The following ZNF621 variants were observed in gnomAD, a reference collection of about 807,000 sequenced individuals.
The protein encoded by ZNF621 is zinc finger protein 621.
Under a neutral mutation model 12.7 loss-of-function variants are expected in ZNF621, and 6 were observed. That is an observed-to-expected ratio of 0.47 (90% confidence interval 0.26 to 0.93). The LOEUF is 0.93. Ranked by LOEUF, ZNF621 falls within the 40% of genes least tolerant of loss-of-function variation. The pLI is 0.15. For missense variants in ZNF621, 474 were observed against 524.0 expected, an observed-to-expected ratio of 0.90 and a Z score of 0.93; for synonymous variants, 156 against 190.3, an observed-to-expected ratio of 0.82 and a Z score of 1.48.
chr3:40,525,920 A>G, intron 2 of ZNF621, 56 bp downstream of exon 2: 5 of 1,598,446 alleles, frequency 3.1e-6, no homozygotes, highest in Non-Finnish European at 4.3e-6. Context: ...TTTTACTCAC[A>G]TTAGCTATCA....
At position 40,525,997 on chromosome 3, in the gene ZNF621, C is replaced by A. The variant is rs59574858; in HGVS notation, c.24+133C>A. 0.023 allele frequency: 22,016 copies of A among 972,396 alleles called. 1,858 individuals are homozygous for A. The African/African-American group carries it at 0.24, about 11-fold the overall frequency. 60.2% of individuals were successfully genotyped at this position (972,396 alleles called of 1,614,324 possible). A position where few individuals can be genotyped will look rare whatever the true frequency, so the allele number is the denominator to read the frequency against. ...TGTGTTTTCCCCTTTGTATCTATCT[C>A]CAGGGCTATGGCAGATGTAAATATG... On this transcript the variant is annotated intron_variant, in intron 2 of 4. Coordinates refer to ENST00000339296, the MANE Select transcript of ZNF621 (RefSeq NM_198484.5).
Position 40,535,023 on chromosome 3 carries a change from TTCTC to T in ZNF621, c.*1937_*1940del, listed in dbSNP as rs1207186857. 2.6e-5 allele frequency: 4 copies of T among 152,370 alleles called. No homozygotes were observed. The highest frequency in any genetic ancestry group is 9.6e-5 in the African/African-American group (4 of 41,580). 9.4% of individuals were successfully genotyped at this position (152,370 alleles called of 1,614,324 possible). On this transcript the variant is annotated 3_prime_UTR_variant, in exon 5 of 5. Transcript: ENST00000339296. ...CTTTCCTAGGCCACTACTTTATACT[TTCTC>T]TCTTCTGTAACTTCCAAAGCATCCC...
At position 40,533,069 on chromosome 3, in the gene ZNF621, C is replaced by T; in HGVS notation, c.1299C>T (p.Thr433=). Residue 433 remains threonine (T), a synonymous_variant, in exon 5 of 5, where the codon ACC becomes ACT. Transcript: ENST00000339296. ...TGAAACCTTCCCCAGTTATTCTCAC[C>T]CCTTCTTCTCACTCCTCATGAGCTT... is the stretch of plus-strand genomic sequence containing the variant. The part of the protein sequence containing the change: ...PTVKPSPVIL[T]PSSHSS 2.6e-6 allele frequency: 4 copies of T among 1,551,546 alleles called. No individual in the cohort carries two copies. Among genetic ancestry groups the T allele is most frequent in the Non-Finnish European group, 3.5e-6 (4 of 1,146,902 alleles).
In ZNF621 at chr3:40,529,465, C is replaced by A. The variant is rs968799728; in HGVS notation, c.151+20C>A. On this transcript the variant is annotated intron_variant, in intron 3 of 4. Coordinates refer to ENST00000339296, the MANE Select transcript of ZNF621 (RefSeq NM_198484.5). Reference sequence around the variant, plus strand: ...CTCTGGGTAAGGCCTCCCTCTGTGGCCCTTTGTAACAGTTTGCTATCTTCC... The same window carrying A: ...CTCTGGGTAAGGCCTCCCTCTGTGGACCTTTGTAACAGTTTGCTATCTTCC... 2.5e-6 allele frequency: 4 copies of A among 1,611,548 alleles called. No individual in the cohort carries two copies. Among genetic ancestry groups the A allele is most frequent in the Non-Finnish European group, 3.4e-6 (4 of 1,178,376 alleles).
chr3:40,530,407 TC>T, intron 4 of ZNF621, 91 bp downstream of exon 4: 1 of 1,031,596 alleles, frequency 9.7e-7, no homozygotes, highest in Non-Finnish European at 1.5e-6. Context: ...GGTACAAATC[TC>T]CCAGTTATTT....
upstream of ZNF621, among the ~76,000 whole-genome samples, chr3:40,524,139 G>A (rs1429088107): frequency 6.6e-6 from 1 of 152,136 alleles, no homozygotes; most frequent in Non-Finnish European, 1.5e-5. Context: ...CCTCTTCACT[G>A]TTTTTTCTTC....
chr3:40,530,584 T>G (rs1698700523), intron 4 of ZNF621, among the ~76,000 whole-genome samples: 1 of 152,226 alleles, frequency 6.6e-6, no homozygotes, highest in South Asian at 2.1e-4. Flanking sequence ...ACTTCTTTCT[T>G]ACTTACTGGT....
upstream of ZNF621, among the ~76,000 whole-genome samples, chr3:40,523,312 G>C (rs1000699355): frequency 6.6e-6 from 1 of 152,024 alleles, no homozygotes; most frequent in African/African-American, 2.4e-5. Flanking sequence ...CCAAGAAGTG[G>C]GACCCCTGTA....
rs138384197 is a variant in ZNF621, at chr3:40,539,127, C to T, written c.*6037C>T. The T allele has an allele frequency of 4.4e-5, 7 of 160,628 alleles. No homozygotes were observed. Among genetic ancestry groups the T allele is most frequent in the South Asian group, 2.0e-4 (1 of 5,104 alleles). 10.0% of individuals were successfully genotyped at this position (160,628 alleles called of 1,614,324 possible). On this transcript the variant is annotated 3_prime_UTR_variant, in exon 5 of 5. Transcript: ENST00000339296. ...CAAAGGACTTAGAATATTACATAAA[C>T]TTAGTTGATAAAACAGCAGCAGAGT...
At position 40,525,830 on chromosome 3, in the gene ZNF621, G is replaced by C. The variant is rs1174662811; in HGVS notation, c.-11G>C. 6.2e-7 allele frequency: 1 copy of C among 1,614,020 alleles called. No homozygotes were observed. The highest frequency in any genetic ancestry group is 2.2e-5 in the East Asian group (1 of 44,882). ...CCAGAAGACAGTGCATGAAGCCAGG[G>C]GACATCCGCCATGCTCCAAACAACT... On this transcript the variant is annotated 5_prime_UTR_variant, in exon 2 of 5. Transcript: ENST00000339296.
chr3:40,530,793 A>G (rs980435409), intron 4 of ZNF621, among the ~76,000 whole-genome samples: 5 of 152,122 alleles, frequency 3.3e-5, no homozygotes, highest in Admixed American at 1.3e-4. Flanking sequence ...TTCATTTGCC[A>G]TAATCTTTAG....
In ZNF621 at chr3:40,530,240, C is replaced by G; in HGVS notation, c.183C>G (p.Ile61Met). The change falls in exon 4 of 5, where the codon ATC becomes ATG. Residue 61 changes from isoleucine to methionine, a missense_variant. Transcript: ENST00000339296. ...TTCCATTCCCCAAACCTGCTCTGAT[C>G]TCCCACCTGGAGAGAGGGGAAGCAC... ...VAFPFPKPALISHLERGEAPW... is the reference protein window; with the variant it reads ...VAFPFPKPALMSHLERGEAPW... 1 of 1,613,942 alleles carries G rather than the reference C, an allele frequency of 6.2e-7. No homozygotes were observed. Among genetic ancestry groups the G allele is most frequent in the Non-Finnish European group, 8.5e-7 (1 of 1,179,926 alleles).
At chr3:40,526,247 T>G (rs2125671353) in intron 2 of ZNF621, among the ~76,000 whole-genome samples, 1 of 152,346 alleles carries the variant, frequency 6.6e-6, no homozygotes, top group South Asian at 2.1e-4. Context: ...ATCGGCTCAC[T>G]GCAGCCTCTG....
rs1698862133 is a variant in ZNF621, at chr3:40,536,252, T to C, written c.*3162T>C. 1 of 152,172 alleles carries C rather than the reference T, an allele frequency of 6.6e-6. No individual in the cohort carries two copies. 9.4% of individuals were successfully genotyped at this position (152,172 alleles called of 1,614,324 possible). ...TGTGCCACCACGCCCAGCTAATTTT[T>C]TAATTTTTAGTAGAGACAGGGTTTC... On this transcript the variant is annotated 3_prime_UTR_variant, in exon 5 of 5. Transcript: ENST00000339296.
At chr3:40,531,893 C>A in intron 4 of ZNF621, 137 bp from the exon 5 acceptor site, 1 of 835,632 alleles carries the variant, frequency 1.2e-6, no homozygotes, top group Non-Finnish European at 1.8e-6. Flanking sequence ...CTCTCTCATC[C>A]TCCTTTATAG....
intron 3 of ZNF621, chr3:40,529,648 A>T: frequency 7.3e-7 from 1 of 1,375,188 alleles, no homozygotes; most frequent in Non-Finnish European, 9.6e-7. Context: ...TTTGAGACAG[A>T]GTCTCGCTCT....
Position 40,532,696 on chromosome 3 carries a change from A to T in ZNF621, c.926A>T (p.His309Leu). The change falls in exon 5 of 5, where the codon CAT (histidine) becomes CTT (leucine). Residue 309 changes from histidine (H) to leucine (L), a missense_variant. By Grantham distance (99) the His-to-Leu change is moderately conservative. Coordinates refer to ENST00000339296, the MANE Select transcript of ZNF621 (RefSeq NM_198484.5). The part of the protein sequence containing the change: ...AFTQKIASIQ[H>L]QRVHTGEKPY... The stretch of plus-strand genomic sequence containing the variant: ...ACCCAGAAAATAGCCTCCATTCAGC[A>T]TCAGAGAGTTCACACTGGGGAGAAG... The T allele has an allele frequency of 6.2e-7, 1 of 1,614,220 alleles. No individual in the cohort carries two copies. Among genetic ancestry groups the T allele is most frequent in the Non-Finnish European group, 8.5e-7 (1 of 1,180,028 alleles).
At chr3:40,524,830 C>T (rs546097333), upstream of ZNF621, 43 of 152,410 alleles carry the variant, frequency 2.8e-4, no homozygotes, top group Non-Finnish European at 7.3e-5. Context: ...CCTCTCAGCC[C>T]AGCCGGTCGC....
intron 2 of ZNF621, among the ~76,000 whole-genome samples, chr3:40,527,703 G>C (rs531456949): frequency 6.6e-6 from 1 of 152,292 alleles, no homozygotes; most frequent in East Asian, 1.9e-4. Flanking sequence ...TCAAATACAA[G>C]TCTGGTATCA....
Sources: allele counts gnomAD v4.1 joint callset (sites outside exome capture counted in the v4.1 genomes callset), GRCh38; gene constraint gnomAD v4.1.1; transcripts MANE v1.5; gene names NCBI Gene and HGNC (gene_info 2026-07-23, HGNC 2026-07-21).